The following SMG6 variants were observed in gnomAD, a reference collection of about 807,000 sequenced individuals.
SMG6 encodes telomerase-binding protein EST1A.
Under a neutral mutation model 142.2 loss-of-function variants are expected in SMG6, and 66 were observed. The observed-to-expected ratio is 0.46, with a 90% CI of 0.38 to 0.57. SMG6 has a LOEUF of 0.57. Among genes scored for constraint, SMG6 ranks in the 20% least tolerant of loss-of-function variants. The probability of loss-of-function intolerance (pLI) is 0.00; values close to 1 mark genes in which losing one functional copy is unlikely to be tolerated. For synonymous variants in SMG6, 779 were observed against 702.4 expected (o/e 1.11, Z -1.72); for missense variants, 1,793 against 1,832.0 (o/e 0.98, Z 0.39).
rs1368692362 is a variant in SMG6, at chr17:2,187,026, G to C, written c.2987-195C>G. 4.6e-5 allele frequency among the ~76,000 whole-genome samples: 7 copies of C among 152,236 alleles called. No individual in the cohort carries two copies. In the East Asian group the frequency reaches 1.3e-3, roughly 29 times the overall value. On this transcript the variant is annotated intron_variant, in intron 11 of 18. Transcript: ENST00000263073. The stretch of plus-strand genomic sequence containing the variant: ...GACAAAGAGAGAACCAGTGTACTGG[G>C]TCTGCCCCTGGACACAACTGCTTCT...
intron 13 of SMG6, among the ~76,000 whole-genome samples, chr17:2,118,598 CTT>C (rs35884470): frequency 3.3e-4 from 45 of 135,834 alleles, no homozygotes; most frequent in African/African-American, 5.1e-4. Flanking sequence ...ATCTAGATAG[CTT>C]TTTTTTTTTT....
intron 15 of SMG6, among the ~76,000 whole-genome samples, chr17:2,077,638 A>G (rs2068297550): frequency 6.6e-6 from 1 of 152,234 alleles, no homozygotes; most frequent in African/African-American, 2.4e-5. Context: ...GAGGCCTCAC[A>G]GCAGCTCTAA....
chr17:2,181,254 TG>T (rs1480431925), intron 12 of SMG6, among the ~76,000 whole-genome samples: 1 of 152,250 alleles, frequency 6.6e-6, no homozygotes, highest in Non-Finnish European at 1.5e-5. Flanking sequence ...GGTGCAATTC[TG>T]ATTCCACTTT....
chr17:2,093,897 G>A (rs986603232), intron 13 of SMG6, among the ~76,000 whole-genome samples: 1 of 151,996 alleles, frequency 6.6e-6, no homozygotes, highest in Admixed American at 6.6e-5. Context: ...TTACAGGCAC[G>A]AGCCACCACT....
intron 10 of SMG6, among the ~76,000 whole-genome samples, chr17:2,224,837 A>G: frequency 6.6e-6 from 1 of 152,218 alleles, no homozygotes; most frequent in East Asian, 1.9e-4. Context: ...AAACTGTGGA[A>G]CATCAAAGAT....
At chr17:2,286,737 GA>G (rs1361646717) in intron 6 of SMG6, among the ~76,000 whole-genome samples, 1 of 151,600 alleles carries the variant, frequency 6.6e-6, no homozygotes, top group Non-Finnish European at 1.5e-5. Context: ...AGGAACAAAA[GA>G]AAAAAAGATA....
chr17:2,226,371 A>G (rs939607419), intron 10 of SMG6, among the ~76,000 whole-genome samples: 12 of 151,822 alleles, frequency 7.9e-5, no homozygotes, highest in Admixed American at 7.9e-4. Context: ...ACGAGGTCAG[A>G]AGTTTGAGAC....
chr17:2,136,439 T>G (rs9909515), intron 13 of SMG6, among the ~76,000 whole-genome samples: 4 of 151,944 alleles, frequency 2.6e-5, no homozygotes, highest in Non-Finnish European at 5.9e-5. Flanking sequence ...TTTCTTCATT[T>G]CTATCTCATC....
intron 10 of SMG6, among the ~76,000 whole-genome samples, chr17:2,219,630 T>C (rs1421568230): frequency 1.3e-5 from 2 of 151,316 alleles, no homozygotes; most frequent in East Asian, 2.0e-4. Context: ...CTCTGCAAAA[T>C]ATTTGAAAAT....
At chr17:2,093,868 G>A (rs1172042998) in intron 13 of SMG6, among the ~76,000 whole-genome samples, 1 of 152,100 alleles carries the variant, frequency 6.6e-6, no homozygotes, top group African/African-American at 2.4e-5. Context: ...TCCCACCTTG[G>A]CCTCCCAAAG....
At position 2,068,639 on chromosome 17, in the gene SMG6, G is replaced by A. The variant is rs937617984; in HGVS notation, c.3835+139C>T. 4.3e-5 allele frequency: 34 copies of A among 796,896 alleles called. No homozygotes were observed. In the East Asian group the frequency reaches 6.0e-4, roughly 14 times the overall value. 49.4% of individuals were successfully genotyped at this position (796,896 alleles called of 1,614,324 possible). On this transcript the variant is annotated intron_variant, in intron 16 of 18. Coordinates refer to ENST00000263073, the MANE Select transcript of SMG6 (RefSeq NM_017575.5). The surrounding 1 kb of genome is among the most constrained non-coding windows in gnomAD (Gnocchi z 6.7). ...TATTAAACAGTTTTCTTTGCCCCAC[G>A]CGTTCCCTACTCCCCTGCAAATCCC...
intron 10 of SMG6, among the ~76,000 whole-genome samples, chr17:2,196,623 T>C (rs1029128851): frequency 6.6e-6 from 1 of 152,166 alleles, no homozygotes; most frequent in Non-Finnish European, 1.5e-5. Flanking sequence ...ACGTTTCACG[T>C]AGATAAAGAC....
chr17:2,069,061 TC>T, intron 15 of SMG6, 130 bp from the exon 16 acceptor site: 1 of 869,608 alleles, frequency 1.1e-6, no homozygotes, highest in South Asian at 1.7e-5. Flanking sequence ...TAATAACCAG[TC>T]CCCGTCGGGT....
intron 15 of SMG6, among the ~76,000 whole-genome samples, chr17:2,077,293 C>T (rs1403053621): frequency 6.6e-6 from 1 of 152,148 alleles, no homozygotes; most frequent in Non-Finnish European, 1.5e-5. Context: ...ATAACTGGAA[C>T]ATGAGACATG....
intron 9 of SMG6, among the ~76,000 whole-genome samples, chr17:2,241,824 C>A (rs2073809157): frequency 6.6e-6 from 1 of 152,184 alleles, no homozygotes; most frequent in Non-Finnish European, 1.5e-5. Context: ...AAAAATATAT[C>A]CTAAATGTTC....
At chr17:2,096,758 CAAG>C (rs1288947527) in intron 13 of SMG6, among the ~76,000 whole-genome samples, 1 of 117,232 alleles carries the variant, frequency 8.5e-6, no homozygotes, top group African/African-American at 6.8e-5. Flanking sequence ...CCTGGGCACA[CAAG>C]ACAAGACAAG....
chr17:2,186,102 C>T (rs2151686574), intron 12 of SMG6, among the ~76,000 whole-genome samples: 1 of 152,020 alleles, frequency 6.6e-6, no homozygotes, highest in South Asian at 2.1e-4. Flanking sequence ...GTGGTGTGCA[C>T]CTGTGGTCCC....
Position 2,282,653 on chromosome 17 carries a change from G to A in SMG6, c.2655C>T (p.Pro885=). 6.2e-7 allele frequency: 1 copy of A among 1,613,806 alleles called. No individual in the cohort carries two copies. ...ATCATTCTCAGGAACTTACATCACT[G>A]GGACTCAGGCTGCCCAGCCCATTCT... The part of the protein sequence containing the change: ...EQENGLGSLS[P]SDLNKRFILS... Residue 885 remains proline, a synonymous_variant, in exon 8 of 19, where the codon CCC becomes CCT. Transcript: ENST00000263073.
chr17:2,067,074 A>G (rs1002282573), intron 16 of SMG6, among the ~76,000 whole-genome samples: 14 of 152,318 alleles, frequency 9.2e-5, no homozygotes, highest in Admixed American at 8.5e-4. Flanking sequence ...AGAGTCCAGG[A>G]GCCTGCCCAG....
Sources: allele counts gnomAD v4.1 joint callset (sites outside exome capture counted in the v4.1 genomes callset), GRCh38; gene constraint gnomAD v4.1.1; non-coding constraint Gnocchi (gnomAD v3.1); transcripts MANE v1.5; gene names NCBI Gene and HGNC (gene_info 2026-07-23, HGNC 2026-07-21).